The following ZC3HC1 variants were observed in gnomAD, a reference collection of about 807,000 sequenced individuals.
The protein encoded by ZC3HC1 is zinc finger C3HC-type protein 1.
In ZC3HC1, 38 loss-of-function variants were observed where a neutral mutation model predicts 61.9. That is an observed-to-expected ratio of 0.61 (90% CI 0.47 to 0.81). The LOEUF (loss-of-function observed/expected upper bound fraction) is 0.81, where lower values mean the gene tolerates loss of function less well. Among genes scored for constraint, ZC3HC1 ranks in the 30% least tolerant of loss-of-function variants. The pLI, the probability that ZC3HC1 is intolerant of heterozygous loss-of-function variation, is 0.00. For missense variants in ZC3HC1, 554 were observed against 622.7 expected, an observed-to-expected ratio of 0.89 and a Z score of 1.17; for synonymous variants, 213 against 229.9, an observed-to-expected ratio of 0.93 and a Z score of 0.67.
rs1413255337 is a variant in ZC3HC1, at chr7:130,024,401, C to T, written c.882G>A (p.Leu294=). ...AGCTGGTCAGGCCAAAGGATGCATC[C>T]AGGTCAGTCATGGACGATTCAATCT... is the stretch of plus-strand genomic sequence containing the variant. The part of the protein sequence containing the change: ...FQQIESSMTD[L]DASFGLTSSP... The change falls in exon 7 of 10, where the codon CTG becomes CTA. Residue 294 remains leucine, a synonymous_variant. Coordinates refer to ENST00000358303, the MANE Select transcript of ZC3HC1 (RefSeq NM_016478.5). The T allele has an allele frequency of 6.2e-7, 1 of 1,614,006 alleles. No individual in the cohort carries two copies. Among genetic ancestry groups the T allele is most frequent in the African/African-American group, 1.3e-5 (1 of 74,910 alleles).
At chr7:130,046,081 AG>A (rs1794854501) in intron 2 of ZC3HC1, among the ~76,000 whole-genome samples, 1 of 152,074 alleles carries the variant, frequency 6.6e-6, no homozygotes, top group Non-Finnish European at 1.5e-5. Flanking sequence ...CTCACTTATA[AG>A]TGGGAGCTGA....
intron 4 of ZC3HC1, among the ~76,000 whole-genome samples, chr7:130,033,185 AC>A (rs1794291629): frequency 1.3e-5 from 2 of 152,098 alleles, no homozygotes; most frequent in Admixed American, 1.3e-4. Flanking sequence ...GGTATGCGTA[AC>A]CATGCCCAGC....
intron 2 of ZC3HC1, among the ~76,000 whole-genome samples, chr7:130,047,638 TACACACACACACACACACACACAC>T (rs34052360): frequency 1.4e-5 from 2 of 138,138 alleles, no homozygotes; most frequent in Admixed American, 7.4e-5. Flanking sequence ...AGACTTTGTC[TACACACACACACACACACACACAC>T]ACACACACAC....
chr7:130,041,237 G>A, intron 2 of ZC3HC1, 136 bp from the exon 3 acceptor site: 1 of 967,170 alleles, frequency 1.0e-6, no homozygotes, highest in Non-Finnish European at 1.5e-6. Flanking sequence ...TCCCAGGCTG[G>A]AGTGCAGTGG....
chr7:130,029,116 A>C (rs1270556279), intron 4 of ZC3HC1, 87 bp from the exon 5 acceptor site: 2 of 1,422,598 alleles, frequency 1.4e-6, no homozygotes, highest in Non-Finnish European at 1.9e-6. Flanking sequence ...CATACCTGTA[A>C]TCCCAGCACT....
At chr7:130,018,859 C>T (rs569932212) in intron 9 of ZC3HC1, 127 bp from the exon 10 acceptor site, 4 of 723,484 alleles carry the variant, frequency 5.5e-6, no homozygotes, top group East Asian at 5.5e-5. Context: ...GTATGCTATA[C>T]ATAATGTATA....
Position 130,018,448 on chromosome 7 carries a change from G to A in ZC3HC1, c.*216C>T. The A allele has an allele frequency of 2.0e-6, 1 of 501,816 alleles. No homozygotes were observed. Among genetic ancestry groups the A allele is most frequent in the Non-Finnish European group, 3.6e-6 (1 of 278,862 alleles). The allele number at this position is 501,816 out of a possible 1,614,324, so 31.1% of individuals were successfully genotyped here. A position where few individuals can be genotyped will look rare whatever the true frequency, so the allele number is the denominator to read the frequency against. On this transcript the variant is annotated 3_prime_UTR_variant, in exon 10 of 10. Transcript: ENST00000358303. The stretch of plus-strand genomic sequence containing the variant: ...ACACTCCTTTAACAGAACCATGCTT[G>A]CTGCCCTTACCCTGTCCACATCCCT...
Position 130,024,387 on chromosome 7 carries a change from C to A in ZC3HC1, c.896G>T (p.Gly299Val). The A allele has an allele frequency of 6.2e-7, 1 of 1,614,120 alleles. No homozygotes were observed. Among genetic ancestry groups the A allele is most frequent in the South Asian group, 1.1e-5 (1 of 91,080 alleles). The change falls in exon 7 of 10, where the codon GGC becomes GTC. Residue 299 changes from glycine (G) to valine (V), a missense_variant. Coordinates refer to ENST00000358303, the MANE Select transcript of ZC3HC1 (RefSeq NM_016478.5). ...GCCTGGGATTGGGGAGCTGGTCAGG[C>A]CAAAGGATGCATCCAGGTCAGTCAT... is the stretch of plus-strand genomic sequence containing the variant. ...SSMTDLDASF[G>V]LTSSPIPGLE...
At chr7:130,049,953 C>T (rs1019487061) in intron 1 of ZC3HC1, among the ~76,000 whole-genome samples, 1 of 150,888 alleles carries the variant, frequency 6.6e-6, no homozygotes, top group Non-Finnish European at 1.5e-5. Flanking sequence ...TTAGAAAATT[C>T]GAATCAAAGA....
chr7:130,032,955 T>C (rs1794282457), intron 4 of ZC3HC1, among the ~76,000 whole-genome samples: 1 of 152,146 alleles, frequency 6.6e-6, no homozygotes, highest in Non-Finnish European at 1.5e-5. Context: ...TTAAAATTAA[T>C]TATTATTAGC....
rs574545768 is a variant in ZC3HC1, at chr7:130,028,027, C to T, written c.621+875G>A. On this transcript the variant is annotated intron_variant, in intron 5 of 9. Transcript: ENST00000358303. ...ACTAAAATTACAAAAATTAGCTAGG[C>T]GTGGTCGCACGTGCCTGTAATCCCA... 5.3e-5 allele frequency among the ~76,000 whole-genome samples: 8 copies of T among 151,070 alleles called. No homozygotes were observed. In the East Asian group the frequency reaches 6.0e-4, roughly 11 times the overall value.
chr7:130,033,734 G>A (rs968509922), intron 4 of ZC3HC1, among the ~76,000 whole-genome samples: 1 of 152,122 alleles, frequency 6.6e-6, no homozygotes, highest in African/African-American at 2.4e-5. Flanking sequence ...TTACAGGCGT[G>A]AGCCACCACG....
At position 130,041,013 on chromosome 7, in the gene ZC3HC1, T is replaced by C. The variant is rs369074571; in HGVS notation, c.347A>G (p.Lys116Arg). Residue 116 changes from lysine (K) to arginine (R), a missense_variant, in exon 3 of 10, where the codon AAG becomes AGG. Transcript: ENST00000358303. ...GWVTVECDML[K>R]CSSCQAFLCA... The stretch of plus-strand genomic sequence containing the variant: ...GAGAAAAGCTTGACAGCTAGAGCAC[T>C]TGAGCATATCACATTCCACTGTGAC... 2 of 1,614,060 alleles carry C rather than the reference T, an allele frequency of 1.2e-6. No individual in the cohort carries two copies.
At chr7:130,038,007 G>A (rs555808132) in intron 4 of ZC3HC1, among the ~76,000 whole-genome samples, 2 of 152,206 alleles carry the variant, frequency 1.3e-5, no homozygotes, top group South Asian at 2.1e-4. Flanking sequence ...TATTGCTCAG[G>A]CTGGTCTCAA....
intron 1 of ZC3HC1, chr7:130,050,434 T>TA: frequency 6.5e-7 from 1 of 1,532,542 alleles, no homozygotes; most frequent in South Asian, 1.2e-5. Context: ...TCAAAAGAAA[T>TA]AAACTTACTC....
rs1794563532 is a variant in ZC3HC1, at chr7:130,039,516, G to A, written c.441C>T (p.Ala147=). The A allele has an allele frequency of 6.2e-7, 1 of 1,612,702 alleles. No homozygotes were observed. The highest frequency in any genetic ancestry group is 8.5e-7 in the Non-Finnish European group (1 of 1,179,708). Residue 147 remains alanine (A), a synonymous_variant, in exon 4 of 10, where the codon GCC becomes GCT. Transcript: ENST00000358303. ...AGAACTTCTCATGGGCAGTACACAA[G>A]GCTTTCTTCAGCTCAGCACATCGTT... ...YKQRCAELKK[A]LCTAHEKFCF... is the part of the protein sequence containing the mutation.
At chr7:130,024,956 A>G (rs1274381753) in intron 6 of ZC3HC1, among the ~76,000 whole-genome samples, 1 of 115,826 alleles carries the variant, frequency 8.6e-6, no homozygotes, top group Non-Finnish European at 1.6e-5. Flanking sequence ...CCCGGGCTGG[A>G]GTGCAATGGT....
intron 2 of ZC3HC1, among the ~76,000 whole-genome samples, chr7:130,047,825 T>C (rs1794926070): frequency 6.6e-6 from 1 of 152,146 alleles, no homozygotes; most frequent in African/African-American, 2.4e-5. Context: ...CTGCTCCTCT[T>C]GAGTATGGGC....
chr7:130,031,732 GA>G (rs1794204627), intron 4 of ZC3HC1, among the ~76,000 whole-genome samples: 1 of 152,138 alleles, frequency 6.6e-6, no homozygotes, highest in Admixed American at 6.6e-5. Context: ...GCAAAGACCT[GA>G]AAAGGCCCTA....
Sources: gnomAD v4.1 joint callset for allele counts (sites outside exome capture counted in the v4.1 genomes callset) on GRCh38, gnomAD v4.1.1 for gene constraint, MANE v1.5 for transcripts, NCBI Gene and HGNC (gene_info 2026-07-23, HGNC 2026-07-21) for gene names.